Variants in TRIP4 observed in about 807,000 individuals in gnomAD.
TRIP4 encodes activating signal cointegrator 1.
TRIP4 carries 54 observed loss-of-function variants against 81.8 expected under a neutral mutation model. The ratio of observed to expected loss-of-function variants is 0.66; its 90% CI spans 0.53 to 0.83. TRIP4 has a LOEUF of 0.83. Ranked by LOEUF, TRIP4 falls within the 40% of genes least tolerant of loss-of-function variation. The pLI is 0.00. For synonymous variants in TRIP4, 270 were observed against 242.8 expected, an observed-to-expected ratio of 1.11 and a Z score of -1.04; for missense variants, 662 against 683.6, an observed-to-expected ratio of 0.97 and a Z score of 0.35.
chr15:64,431,831 T>TTATATATATATATATATATATATA (rs1223726422), intron 11 of TRIP4, among the ~76,000 whole-genome samples: 1 of 42,410 alleles, frequency 2.4e-5, no homozygotes, highest in African/African-American at 4.5e-5. Context: ...ACCATTTATA[T>TTATATATATATATATATATATATA]TATATATATA....
intron 11 of TRIP4, among the ~76,000 whole-genome samples, chr15:64,430,166 C>T (rs1892237005): frequency 6.6e-6 from 1 of 152,200 alleles, no homozygotes; most frequent in Non-Finnish European, 1.5e-5. Context: ...ACTAGTCTTC[C>T]TTTTTATCTT....
At position 64,423,461 on chromosome 15, in the gene TRIP4, C is replaced by CAA. The variant is rs58166289; in HGVS notation, c.1359-545_1359-544dup. 6.9e-4 allele frequency among the ~76,000 whole-genome samples: 49 copies of CAA among 71,112 alleles called. 2 individuals carry two copies. The highest frequency in any genetic ancestry group is 1.6e-3 in the African/African-American group (27 of 16,912). 46.7% of individuals were successfully genotyped at this position (71,112 alleles called of 152,430 possible). A position where few individuals can be genotyped will look rare whatever the true frequency, so the allele number is the denominator to read the frequency against. On this transcript the variant is annotated intron_variant, in intron 9 of 12. Coordinates refer to ENST00000261884, the MANE Select transcript of TRIP4 (RefSeq NM_016213.5). ...CTGGCAACAGAGCGAGACTCCGTCTCAAAAAAAAAAAAAAAAAAAAAAAAA... is the reference window on the plus strand; with the variant it reads ...CTGGCAACAGAGCGAGACTCCGTCTCAAAAAAAAAAAAAAAAAAAAAAAAAAA...
chr15:64,443,438 G>T (rs1892561311), intron 11 of TRIP4, among the ~76,000 whole-genome samples: 1 of 152,200 alleles, frequency 6.6e-6, no homozygotes, highest in Non-Finnish European at 1.5e-5. Flanking sequence ...GAAAATTAAA[G>T]AGATAGTAAT....
intron 11 of TRIP4, among the ~76,000 whole-genome samples, chr15:64,429,371 C>T (rs191353812): frequency 1.3e-5 from 2 of 152,074 alleles, no homozygotes; most frequent in African/African-American, 4.8e-5. Context: ...ATCTATTATA[C>T]CAGCCTCATT....
chr15:64,450,662 T>C (rs1160983294), intron 12 of TRIP4: 1 of 455,918 alleles, frequency 2.2e-6, no homozygotes, highest in South Asian at 1.5e-5. Flanking sequence ...TGATTTTTTT[T>C]AGGCAGCCTA....
chr15:64,405,256 G>A (rs540885575), intron 5 of TRIP4, among the ~76,000 whole-genome samples: 3 of 151,490 alleles, frequency 2.0e-5, no homozygotes, highest in South Asian at 2.1e-4. Context: ...CCAGGTTCAT[G>A]CCATTGTCCT....
At position 64,418,494 on chromosome 15, in the gene TRIP4, G is replaced by T. The variant is rs372646526; in HGVS notation, c.1171-47G>T. 5.3e-6 allele frequency: 8 copies of T among 1,523,424 alleles called. No homozygotes were observed. The African/African-American group carries it at 9.7e-5, about 19-fold the overall frequency. 94.4% of individuals were successfully genotyped at this position (1,523,424 alleles called of 1,614,324 possible). A position where few individuals can be genotyped will look rare whatever the true frequency, so the allele number is the denominator to read the frequency against. ...CGCATCATTTTGTCTACCTACCCCA[G>T]ATTCTTGCCTTATAAGATAGAACTG... On this transcript the variant is annotated intron_variant, in intron 8 of 12. Transcript: ENST00000261884.
chr15:64,426,858 G>A (rs1892159884), intron 11 of TRIP4, among the ~76,000 whole-genome samples: 1 of 151,440 alleles, frequency 6.6e-6, no homozygotes, highest in Admixed American at 6.6e-5. Flanking sequence ...AAAATTGCTG[G>A]GTGTGATGGC....
chr15:64,429,945 C>A (rs1892232418), intron 11 of TRIP4, among the ~76,000 whole-genome samples: 1 of 152,082 alleles, frequency 6.6e-6, no homozygotes, highest in Non-Finnish European at 1.5e-5. Flanking sequence ...CTTTTCCCCC[C>A]AAAATTCAGT....
At chr15:64,390,956 C>T (rs954780909) in intron 1 of TRIP4, among the ~76,000 whole-genome samples, 4 of 151,868 alleles carry the variant, frequency 2.6e-5, no homozygotes, top group African/African-American at 9.7e-5. Context: ...GCATGTATTA[C>T]GCTAAGATAC....
At chr15:64,426,070 G>A (rs1458008433) in intron 11 of TRIP4, among the ~76,000 whole-genome samples, 1 of 151,940 alleles carries the variant, frequency 6.6e-6, no homozygotes, top group Non-Finnish European at 1.5e-5. Context: ...GCAACCGAGT[G>A]AGATTCCTTC....
intron 8 of TRIP4, among the ~76,000 whole-genome samples, chr15:64,415,096 A>G (rs530573412): frequency 2.0e-5 from 3 of 147,308 alleles, no homozygotes; most frequent in African/African-American, 7.6e-5. Context: ...CCCTGTCTCA[A>G]AAAAAAAAAA....
At chr15:64,449,276 TTTTG>T (rs1285757968) in intron 12 of TRIP4, among the ~76,000 whole-genome samples, 2 of 151,566 alleles carry the variant, frequency 1.3e-5, no homozygotes, top group Non-Finnish European at 1.5e-5. Flanking sequence ...TGTTTGTTTT[TTTTG>T]TTTGTTTTTG....
intron 8 of TRIP4, among the ~76,000 whole-genome samples, 163 bp downstream of exon 8, chr15:64,414,374 C>T (rs1159506283): frequency 1.3e-5 from 2 of 152,148 alleles, no homozygotes; most frequent in South Asian, 2.1e-4. Flanking sequence ...CTCTGGCCCA[C>T]ATTTTTTCCA....
chr15:64,414,578 A>G (rs111900095), intron 8 of TRIP4, among the ~76,000 whole-genome samples: 6,971 of 122,930 alleles, frequency 0.057, 218 homozygotes, highest in Middle Eastern at 0.11. Flanking sequence ...GTGCAGTGGC[A>G]TGATCTCGGG....
chr15:64,406,299 G>C, intron 5 of TRIP4, 31 bp from the exon 6 acceptor site: 1 of 1,610,378 alleles, frequency 6.2e-7, no homozygotes, highest in Non-Finnish European at 8.5e-7. Context: ...TTTAGAGGCT[G>C]ACACCATTTG....
rs141300147 is a variant in TRIP4, at chr15:64,388,193, A to G, written c.101+229A>G. The G allele has an allele frequency of 4.0e-3, 2,658 of 656,762 alleles. 46 individuals carry two copies. The African/African-American group carries it at 0.045, about 11-fold the overall frequency. The allele number at this position is 656,762 out of a possible 1,614,324, so 40.7% of individuals were successfully genotyped here. On this transcript the variant is annotated intron_variant, in intron 1 of 12. Coordinates refer to ENST00000261884, the MANE Select transcript of TRIP4 (RefSeq NM_016213.5). Reference sequence around the variant, plus strand: ...GGGCTTTTTTCCTGGGAAGACGCCCAATCTGTAATAATTAGAAATGCAAGG... The same window carrying G: ...GGGCTTTTTTCCTGGGAAGACGCCCGATCTGTAATAATTAGAAATGCAAGG...
intron 12 of TRIP4, chr15:64,450,691 G>A (rs897027606): frequency 4.4e-6 from 2 of 455,876 alleles, no homozygotes; most frequent in African/African-American, 4.0e-5. Flanking sequence ...AAGAACGTCT[G>A]AATTCCTGGG....
At chr15:64,401,453 G>A (rs924474650) in intron 5 of TRIP4, among the ~76,000 whole-genome samples, 2 of 152,002 alleles carry the variant, frequency 1.3e-5, no homozygotes, top group African/African-American at 2.4e-5. Context: ...CATTTTTTTA[G>A]TAGGGGTGGG....
Sources: allele counts gnomAD v4.1 joint callset (sites outside exome capture counted in the v4.1 genomes callset), GRCh38; gene constraint gnomAD v4.1.1; transcripts MANE v1.5; gene names NCBI Gene and HGNC (gene_info 2026-07-23, HGNC 2026-07-21).